The following KLHL32 variants were observed in gnomAD, a reference collection of about 807,000 sequenced individuals.
KLHL32 encodes kelch-like protein 32.
A neutral mutation model predicts 64.8 loss-of-function variants in KLHL32; 35 were observed. The ratio of observed to expected loss-of-function variants is 0.54; its 90% CI spans 0.41 to 0.72. KLHL32 has a LOEUF of 0.72. KLHL32 is among the 30% of genes least tolerant of loss of function. The probability of loss-of-function intolerance (pLI) is 0.00; values close to 1 mark genes in which losing one functional copy is unlikely to be tolerated. For synonymous variants in KLHL32, 259 were observed against 281.0 expected (o/e 0.92, Z 0.78); for missense variants, 589 against 768.5 (o/e 0.77, Z 2.76).
chr6:97,057,997 A>G lies in KLHL32; in HGVS notation c.313-6631A>G, dbSNP rs140515288. Among the ~76,000 whole-genome samples the G allele has an allele frequency of 3.8e-3, 573 of 152,248 alleles. 4 individuals carry two copies. The highest frequency in any genetic ancestry group is 0.013 in the African/African-American group (542 of 41,562). On this transcript the variant is annotated intron_variant, in intron 4 of 10. Transcript: ENST00000369261. ...ATCTAGCCCCATTCTTGAAAAGACT[A>G]TCTTTTATCCATTATTATTATATTA...
At chr6:97,086,380 C>T (rs1793415957) in intron 6 of KLHL32, among the ~76,000 whole-genome samples, 1 of 152,168 alleles carries the variant, frequency 6.6e-6, no homozygotes, top group Admixed American at 6.5e-5. Context: ...TTACTTTAAT[C>T]AGTAACTTCC....
At chr6:97,033,184 T>C (rs937370548) in intron 3 of KLHL32, among the ~76,000 whole-genome samples, 3 of 152,154 alleles carry the variant, frequency 2.0e-5, no homozygotes, top group African/African-American at 7.2e-5. Flanking sequence ...AACCAAAACA[T>C]ATGTCTGACT....
chr6:96,974,893 C>A (rs1775523679), intron 2 of KLHL32, among the ~76,000 whole-genome samples: 1 of 152,188 alleles, frequency 6.6e-6, no homozygotes, highest in South Asian at 2.1e-4. Flanking sequence ...GCTTAATCAT[C>A]CCAACGGTAT....
chr6:97,063,958 TAAC>T (rs1789313229), intron 4 of KLHL32, among the ~76,000 whole-genome samples: 2 of 152,332 alleles, frequency 1.3e-5, no homozygotes, highest in Middle Eastern at 3.4e-3. Flanking sequence ...TAATTGGACT[TAAC>T]AAAGTGAAAA....
At chr6:96,984,290 T>A (rs933901892) in intron 3 of KLHL32, among the ~76,000 whole-genome samples, 1 of 152,216 alleles carries the variant, frequency 6.6e-6, no homozygotes, top group Non-Finnish European at 1.5e-5. Flanking sequence ...GAGGAGTGCT[T>A]TACTTCCAAC....
At chr6:97,053,719 G>T (rs187202699) in intron 4 of KLHL32, among the ~76,000 whole-genome samples, 2 of 150,924 alleles carry the variant, frequency 1.3e-5, no homozygotes, top group Admixed American at 1.3e-4. Context: ...AAGTACATTT[G>T]TTTTTTTTAA....
intron 5 of KLHL32, among the ~76,000 whole-genome samples, chr6:97,067,815 G>C (rs773591172): frequency 1.2e-4 from 19 of 152,276 alleles, no homozygotes; most frequent in Admixed American, 2.6e-4. Flanking sequence ...GGCCAGGCCT[G>C]TTCCTCCCTG....
At chr6:97,001,082 T>C (rs2128078001) in intron 3 of KLHL32, among the ~76,000 whole-genome samples, 1 of 152,358 alleles carries the variant, frequency 6.6e-6, no homozygotes, top group South Asian at 2.1e-4. Context: ...GAAACTATTC[T>C]ATATGATACT....
At chr6:97,031,456 G>A (rs1001859308) in intron 3 of KLHL32, among the ~76,000 whole-genome samples, 3 of 151,664 alleles carry the variant, frequency 2.0e-5, no homozygotes, top group Admixed American at 6.6e-5. Context: ...CTGCCTCACC[G>A]TCTTGAGTAG....
chr6:96,915,822 G>A, the KLHL32 span, among the ~76,000 whole-genome samples: 1 of 152,154 alleles, frequency 6.6e-6, no homozygotes, highest in East Asian at 1.9e-4. Context: ...ATTATTTTGA[G>A]CTTAAGGCAA....
rs2128227192 is a variant in KLHL32 at position 97,140,028 on chromosome 6, G to A, written c.*746G>A. On this transcript the variant is annotated 3_prime_UTR_variant, in exon 11 of 11. Coordinates refer to ENST00000369261, the MANE Select transcript of KLHL32 (RefSeq NM_052904.4). ...CAAGAAAAAGAAAAATGTTGTTACT[G>A]AAATTATAAGGTATTTTATTGTCTT... 1 of 152,200 alleles carries A rather than the reference G, an allele frequency of 6.6e-6. No individual in the cohort carries two copies. The highest frequency in any genetic ancestry group is 3.4e-3 in the Middle Eastern group (1 of 292). 9.4% of individuals were successfully genotyped at this position (152,200 alleles called of 1,614,324 possible).
At position 97,024,787 on chromosome 6, in the gene KLHL32, A is replaced by G. The variant is rs1582753259; in HGVS notation, c.205-16705A>G. ...GTAAGTATTATGAAGCTAGAAAAATAGTTTTAAAGTAATAATAATAGCTAA... is the reference window on the plus strand; with the variant it reads ...GTAAGTATTATGAAGCTAGAAAAATGGTTTTAAAGTAATAATAATAGCTAA... On this transcript the variant is annotated intron_variant, in intron 3 of 10. Transcript: ENST00000369261. Among the ~76,000 whole-genome samples the G allele has an allele frequency of 2.0e-5, 3 of 152,284 alleles. No homozygotes were observed. The South Asian group carries it at 6.2e-4, about 32-fold the overall frequency.
At chr6:97,058,902 A>T (rs1323525244) in intron 4 of KLHL32, among the ~76,000 whole-genome samples, 2 of 152,242 alleles carry the variant, frequency 1.3e-5, no homozygotes, top group Non-Finnish European at 1.5e-5. Context: ...GCTTTGTTAC[A>T]TATAGACACA....
chr6:96,938,657 T>C (rs1172493869), intron 1 of KLHL32, among the ~76,000 whole-genome samples: 1 of 151,922 alleles, frequency 6.6e-6, no homozygotes, highest in East Asian at 1.9e-4. Flanking sequence ...CAGCAGGGGA[T>C]ACATAGATGG....
chr6:97,085,623 G>A (rs567534273), intron 6 of KLHL32, among the ~76,000 whole-genome samples: 161 of 152,302 alleles, frequency 1.1e-3, no homozygotes, highest in African/African-American at 3.8e-3. Flanking sequence ...TGAGTCAAGG[G>A]ATGTTTTTTT....
intron 3 of KLHL32, among the ~76,000 whole-genome samples, chr6:96,976,572 G>GATAT (rs539256924): frequency 6.6e-6 from 1 of 151,428 alleles, no homozygotes; most frequent in Non-Finnish European, 1.5e-5. Context: ...TATTGTTTCG[G>GATAT]ATATATATAT....
chr6:97,035,988 T>C (rs573770290), intron 3 of KLHL32, among the ~76,000 whole-genome samples: 2 of 152,252 alleles, frequency 1.3e-5, no homozygotes, highest in South Asian at 4.1e-4. Flanking sequence ...TTGATATTGT[T>C]CCATAAAATC....
chr6:96,924,241 C>T (rs574636641), upstream of KLHL32, among the ~76,000 whole-genome samples: 5 of 152,276 alleles, frequency 3.3e-5, no homozygotes, highest in Admixed American at 6.5e-5. Flanking sequence ...CCTGGAACAC[C>T]GAGTTAGGGC....
At chr6:97,024,560 T>A (rs7740564) in intron 3 of KLHL32, among the ~76,000 whole-genome samples, 9,898 of 152,242 alleles carry the variant, frequency 0.065, 691 homozygotes, top group African/African-American at 0.17. Context: ...GCTGAGAGCC[T>A]TCTAAAGAGC....
Sources: allele counts gnomAD v4.1 joint callset (sites outside exome capture counted in the v4.1 genomes callset), GRCh38; gene constraint gnomAD v4.1.1; transcripts MANE v1.5; gene names NCBI Gene and HGNC (gene_info 2026-07-23, HGNC 2026-07-21).